The following TNRC6B variants were observed in gnomAD, a reference collection of about 807,000 sequenced individuals.
TNRC6B encodes trinucleotide repeat containing adaptor 6B.
TNRC6B carries 52 observed loss-of-function variants against 203.6 expected under a neutral mutation model. The ratio of observed to expected loss-of-function variants is 0.26; its 90% CI spans 0.20 to 0.32. TNRC6B has a LOEUF of 0.32. TNRC6B is among the 10% of genes least tolerant of loss of function. The pLI, the probability that TNRC6B is intolerant of heterozygous loss-of-function variation, is 1.00. For synonymous variants in TNRC6B, 838 were observed against 845.7 expected (o/e 0.99, Z 0.16); for missense variants, 1,923 against 2,286.2 (o/e 0.84, Z 3.24).
intron 1 of TNRC6B, among the ~76,000 whole-genome samples, chr22:40,063,914 G>T (rs1396861240): frequency 6.6e-6 from 1 of 152,028 alleles, no homozygotes; most frequent in Non-Finnish European, 1.5e-5. Flanking sequence ...TGTTGCCTAG[G>T]TTGGTCTCGA....
chr22:40,114,619 C>T lies in TNRC6B; in HGVS notation c.-120-2436C>T, dbSNP rs138580767. 3.1e-3 allele frequency among the ~76,000 whole-genome samples: 470 copies of T among 152,274 alleles called. 2 individuals carry two copies. Among genetic ancestry groups the T allele is most frequent in the African/African-American group, 0.011 (451 of 41,548 alleles). Reference sequence around the variant, plus strand: ...CTAGGATTATAGGAGTGAGCCACCACGCCCGGCCTAGAGGAATTCTTGCAG... The same window carrying T: ...CTAGGATTATAGGAGTGAGCCACCATGCCCGGCCTAGAGGAATTCTTGCAG... On this transcript the variant is annotated intron_variant, in intron 1 of 23. Transcript: ENST00000301923.
intron 7 of TNRC6B, among the ~76,000 whole-genome samples, chr22:40,275,521 G>T (rs1380133232): frequency 1.3e-5 from 2 of 152,038 alleles, no homozygotes; most frequent in African/African-American, 4.8e-5. Flanking sequence ...CAGTTCAGTG[G>T]CAATAAGTAT....
rs765416271 is a variant in TNRC6B, at chr22:40,266,815, C to T, written c.2585C>T (p.Pro862Leu). The change falls in exon 5 of 23, where the codon CCA becomes CTA. Residue 862 changes from proline to leucine, a missense_variant. By Grantham distance (98) the Pro-to-Leu change is moderately conservative. Transcript: ENST00000454349. ...RPSNSSWSSG[P>L]QPATPKDEEP... is the part of the protein sequence containing the mutation. ...TCCAATTCCAGCTGGAGCAGCGGGC[C>T]ACAGCCTGCAACACCTAAGGATGAG... The T allele has an allele frequency of 8.1e-6, 13 of 1,613,686 alleles. No individual in the cohort carries two copies. The highest frequency in any genetic ancestry group is 4.2e-6 in the Non-Finnish European group (5 of 1,179,774).
intron 1 of TNRC6B, among the ~76,000 whole-genome samples, chr22:40,100,446 A>T (rs954742851): frequency 6.6e-6 from 1 of 151,944 alleles, no homozygotes; most frequent in Non-Finnish European, 1.5e-5. Context: ...GATAACAATC[A>T]TAGCTCACTG....
chr22:40,106,853 A>T lies in TNRC6B; in HGVS notation c.-120-10202A>T, dbSNP rs1022801163. The T allele has an allele frequency of 4.4e-6, 5 of 1,125,630 alleles. No individual in the cohort carries two copies. In the African/African-American group the frequency reaches 7.6e-5, roughly 17 times the overall value. The allele number at this position is 1,125,630 out of a possible 1,614,324, so 69.7% of individuals were successfully genotyped here. On this transcript the variant is annotated intron_variant, in intron 1 of 23. Transcript: ENST00000301923. ...GCCAGCTTTTCTTGCCACCCTCGCCATTCGAATTTCAGTTCTGTCCATCTG... is the reference window on the plus strand; with the variant it reads ...GCCAGCTTTTCTTGCCACCCTCGCCTTTCGAATTTCAGTTCTGTCCATCTG...
At chr22:40,114,194 C>T (rs1011464561) in intron 1 of TNRC6B, among the ~76,000 whole-genome samples, 1 of 152,030 alleles carries the variant, frequency 6.6e-6, no homozygotes, top group Non-Finnish European at 1.5e-5. Flanking sequence ...TAGTAAGATA[C>T]CAGCAAAATA....
At position 40,270,198 on chromosome 22, in the gene TNRC6B, G is replaced by T; in HGVS notation, c.2883G>T (p.Gly961=). Residue 961 remains glycine, a synonymous_variant, in exon 6 of 23, where the codon GGG becomes GGT. Coordinates refer to ENST00000454349, the MANE Select transcript of TNRC6B (RefSeq NM_001162501.2). ...GTGAGCCAAATGAAAGCAGTCCTGGGTGGGGCGAGATGGATGATACAGGAG... is the reference window on the plus strand; with the variant it reads ...GTGAGCCAAATGAAAGCAGTCCTGGTTGGGGCGAGATGGATGATACAGGAG... ...AWGEPNESSP[G]WGEMDDTGAS... 6.4e-7 allele frequency: 1 copy of T among 1,565,876 alleles called. No individual in the cohort carries two copies. The highest frequency in any genetic ancestry group is 8.7e-7 in the Non-Finnish European group (1 of 1,154,702).
At chr22:40,264,564 G>A (rs1008566929) in intron 4 of TNRC6B, 124 bp from the exon 5 acceptor site, 4 of 1,083,506 alleles carry the variant, frequency 3.7e-6, no homozygotes, top group Non-Finnish European at 3.8e-6. Context: ...AAGCAACTGG[G>A]TTGAGAGAAA....
chr22:40,264,003 G>T (rs1052669744), intron 4 of TNRC6B, among the ~76,000 whole-genome samples: 2 of 152,246 alleles, frequency 1.3e-5, no homozygotes, highest in African/African-American at 4.8e-5. Flanking sequence ...ATTTTCAGGT[G>T]ATGAGCTTGA....
In TNRC6B at chr22:40,314,651, T is replaced by C. The variant is rs148434117; in HGVS notation, c.4679-632T>C. 5.3e-3 allele frequency among the ~76,000 whole-genome samples: 801 copies of C among 152,336 alleles called. 7 individuals carry two copies. Among genetic ancestry groups the C allele is most frequent in the African/African-American group, 0.019 (779 of 41,572 alleles). Reference sequence around the variant, plus strand: ...CTTGATCCCCTCTGCATATTGAGCTTACGTGATGATGTTGGGGTCACCACT... The same window carrying C: ...CTTGATCCCCTCTGCATATTGAGCTCACGTGATGATGTTGGGGTCACCACT... On this transcript the variant is annotated intron_variant, in intron 19 of 22. Transcript: ENST00000454349.
At position 40,327,265 on chromosome 22, in the gene TNRC6B, T is replaced by A. The variant is rs2071415694; in HGVS notation, c.*4024T>A. The A allele has an allele frequency of 6.6e-6, 1 of 152,612 alleles. No homozygotes were observed. Among genetic ancestry groups the A allele is most frequent in the Non-Finnish European group, 1.5e-5 (1 of 68,064 alleles). 9.5% of individuals were successfully genotyped at this position (152,612 alleles called of 1,614,324 possible). On this transcript the variant is annotated 3_prime_UTR_variant, in exon 23 of 23. Transcript: ENST00000454349. The stretch of plus-strand genomic sequence containing the variant: ...GTGTGGTCCAGTCACTCCACAGATG[T>A]AAGATACTCACCCATAAAGGAAATT...
intron 4 of TNRC6B, among the ~76,000 whole-genome samples, chr22:40,165,472 A>G (rs2068911420): frequency 6.6e-6 from 1 of 152,132 alleles, no homozygotes; most frequent in South Asian, 2.1e-4. Flanking sequence ...CACCATGCCC[A>G]GTCATCAACT....
chr22:40,242,587 C>T (rs1464174015), intron 1 of TNRC6B, among the ~76,000 whole-genome samples: 3 of 152,194 alleles, frequency 2.0e-5, no homozygotes, highest in Non-Finnish European at 4.4e-5. Context: ...TGTGCCACCA[C>T]GCCCACCTAA....
At chr22:40,148,194 C>T (rs746287488) in intron 3 of TNRC6B, among the ~76,000 whole-genome samples, 2 of 151,846 alleles carry the variant, frequency 1.3e-5, no homozygotes, top group Non-Finnish European at 2.9e-5. Flanking sequence ...ACACAAAGTA[C>T]TGCTATTGAT....
chr22:40,196,532 G>T (rs938323880), intron 1 of TNRC6B, among the ~76,000 whole-genome samples: 2 of 151,272 alleles, frequency 1.3e-5, no homozygotes, highest in African/African-American at 2.4e-5. Context: ...TGGAAGTCAG[G>T]GTAGAAAAAA....
At chr22:40,133,169 C>G (rs781664421) in intron 3 of TNRC6B, among the ~76,000 whole-genome samples, 1 of 151,534 alleles carries the variant, frequency 6.6e-6, no homozygotes, top group Non-Finnish European at 1.5e-5. Context: ...ATGTAATGCT[C>G]ATTTTTCTTA....
In TNRC6B at chr22:40,236,276, A is replaced by AC. The variant is rs576658260; in HGVS notation, c.6-9733dup. On this transcript the variant is annotated intron_variant, in intron 1 of 22. Transcript: ENST00000454349. ...TTTATAACCACTCCTGCCTCACCCTACCCCCCTTTGTATCCTCTGGCGCCC... is the reference window on the plus strand; with the variant it reads ...TTTATAACCACTCCTGCCTCACCCTACCCCCCCTTTGTATCCTCTGGCGCCC... 6.6e-5 allele frequency among the ~76,000 whole-genome samples: 10 copies of AC among 151,856 alleles called. No homozygotes were observed. The South Asian group carries it at 2.1e-3, about 32-fold the overall frequency.
At chr22:40,318,621 T>TG (rs2071292067) in intron 21 of TNRC6B, among the ~76,000 whole-genome samples, 1 of 152,174 alleles carries the variant, frequency 6.6e-6, no homozygotes, top group African/African-American at 2.4e-5. Context: ...TGAAGAATCT[T>TG]GTATGACCAT....
At chr22:40,162,557 A>G (rs1176800135) in intron 4 of TNRC6B, among the ~76,000 whole-genome samples, 1 of 152,180 alleles carries the variant, frequency 6.6e-6, no homozygotes, top group East Asian at 1.9e-4. Flanking sequence ...TTTATAGATA[A>G]TCATCTTCAG....
Sources: allele counts gnomAD v4.1 joint callset (sites outside exome capture counted in the v4.1 genomes callset), GRCh38; gene constraint gnomAD v4.1.1; transcripts MANE v1.5; gene names NCBI Gene and HGNC (gene_info 2026-07-23, HGNC 2026-07-21).